The following CEP290 variants were observed in gnomAD, a reference collection of about 807,000 sequenced individuals.
CEP290 encodes centrosomal protein 290, also known as centrosomal protein of 290 kDa.
A neutral mutation model predicts 344.9 loss-of-function variants in CEP290; 317 were observed. That is an observed-to-expected ratio of 0.92 (90% CI 0.84 to 1.01). The LOEUF is 1.01. Ranked by LOEUF, CEP290 falls within the 50% of genes least tolerant of loss-of-function variation. CEP290 has a pLI of 0.00. For missense variants in CEP290, 2,754 were observed against 2,761.4 expected, an observed-to-expected ratio of 1.00 and a Z score of 0.06; for synonymous variants, 932 against 895.8, an observed-to-expected ratio of 1.04 and a Z score of -0.72.
At chr12:88,112,009 T>C (rs902762001) in intron 20 of CEP290, among the ~76,000 whole-genome samples, 151 bp from the exon 21 acceptor site, 2 of 152,196 alleles carry the variant, frequency 1.3e-5, no homozygotes, top group African/African-American at 4.8e-5. Context: ...CAAATTCTTA[T>C]TTATGAATCT....
intron 53 of CEP290, chr12:88,050,067 TAAAG>T (rs1447295459): frequency 2.2e-5 from 5 of 230,890 alleles, no homozygotes; most frequent in African/African-American, 4.6e-5. Context: ...AAAAAAAAAA[TAAAG>T]ACACTGTTGC....
At chr12:88,063,583 T>C (rs2136803459) in intron 45 of CEP290, among the ~76,000 whole-genome samples, 1 of 152,188 alleles carries the variant, frequency 6.6e-6, no homozygotes, top group South Asian at 2.1e-4. Context: ...TATATCATCT[T>C]ATTAAGGAAG....
intron 41 of CEP290, among the ~76,000 whole-genome samples, chr12:88,072,485 G>A (rs1397785854): frequency 6.6e-6 from 1 of 152,114 alleles, no homozygotes; most frequent in Non-Finnish European, 1.5e-5. Context: ...GGCTAACTAT[G>A]CTTTATTCTA....
intron 22 of CEP290, among the ~76,000 whole-genome samples, chr12:88,110,494 T>C (rs1206457889): frequency 6.6e-6 from 1 of 152,006 alleles, no homozygotes; most frequent in Non-Finnish European, 1.5e-5. Flanking sequence ...GCGAATCACT[T>C]GAGACCAGGA....
Position 88,089,480 on chromosome 12 carries a change from G to C in CEP290, c.3581C>G (p.Ser1194Cys), listed in dbSNP as rs2036852568. ...RMQLLDYQAQ[S>C]DEKSLIAKLH... ...CTTGGCAATGAGCGACTTTTCATCA[G>C]ACTGTGCCTGATATTAAAAAAAATA... Residue 1194 changes from serine (S) to cysteine (C), a missense_variant, in exon 31 of 54, where the codon TCT (serine) becomes TGT (cysteine). Ser to Cys is a moderately radical substitution (Grantham distance 112). Coordinates refer to ENST00000552810, the MANE Select transcript of CEP290 (RefSeq NM_025114.4). 6 of 1,468,318 alleles carry C rather than the reference G, an allele frequency of 4.1e-6. No homozygotes were observed. The highest frequency in any genetic ancestry group is 5.4e-6 in the Non-Finnish European group (6 of 1,111,528). The allele number at this position is 1,468,318 out of a possible 1,614,324, so 91.0% of individuals were successfully genotyped here. A position where few individuals can be genotyped will look rare whatever the true frequency, so the allele number is the denominator to read the frequency against.
chr12:88,129,080 C>G (rs2138072599), intron 10 of CEP290, 45 bp from the exon 11 acceptor site: 1 of 1,072,846 alleles, frequency 9.3e-7, no homozygotes, highest in South Asian at 1.8e-5. Context: ...ACTGATGTAA[C>G]ATATATTTAC....
chr12:88,120,212 CTTATT>C lies in CEP290; in HGVS notation c.1419_1423del (p.Ile474ArgfsTer5), dbSNP rs771266705. 1 of 1,513,010 alleles carries C rather than the reference CTTATT, an allele frequency of 6.6e-7. No homozygotes were observed. 93.7% of individuals were successfully genotyped at this position (1,513,010 alleles called of 1,614,324 possible). A position where few individuals can be genotyped will look rare whatever the true frequency, so the allele number is the denominator to read the frequency against. ...TGTTAATATTTCAATCTCTCGATCTCTTATTTTAATTTGGTTTTTACAATTCTTTA... is the reference window on the plus strand; with the variant it reads ...TGTTAATATTTCAATCTCTCGATCTCTTAATTTGGTTTTTACAATTCTTTA... On this transcript the variant is annotated frameshift_variant, in exon 15 of 54. Transcript: ENST00000552810. LOFTEE classifies it high-confidence loss of function.
In CEP290 at chr12:88,083,219, T is replaced by C. The variant is rs1273344761; in HGVS notation, c.4824A>G (p.Lys1608=). ...TGGTAGGAACTGGAGTGGGAGACTG[T>C]TTCATTAAATCCTATAAAATATGAA... ...KFKQTAWDLM[K]QSPTPVPTNK... Residue 1608 remains lysine (K), a synonymous_variant, in exon 37 of 54, where the codon AAA becomes AAG. Transcript: ENST00000552810. 6.8e-7 allele frequency: 1 copy of C among 1,476,186 alleles called. No individual in the cohort carries two copies. Among genetic ancestry groups the C allele is most frequent in the Non-Finnish European group, 9.0e-7 (1 of 1,115,746 alleles). 91.4% of individuals were successfully genotyped at this position (1,476,186 alleles called of 1,614,324 possible).
intron 31 of CEP290, among the ~76,000 whole-genome samples, chr12:88,088,827 T>A (rs1279123807): frequency 6.6e-6 from 1 of 152,068 alleles, no homozygotes; most frequent in African/African-American, 2.4e-5. Flanking sequence ...AGACCTTGTC[T>A]CTACAAAAAA....
rs1305710036 is a variant in CEP290 at position 88,089,230 on chromosome 12, AG to A, written c.3830del (p.Ala1277ValfsTer14). 6.2e-7 allele frequency: 1 copy of A among 1,613,796 alleles called. No homozygotes were observed. The highest frequency in any genetic ancestry group is 1.1e-5 in the South Asian group (1 of 91,064). ...ACTTTTCCTGTTGTGCCAAGGGTAA[AG>A]CTCCACTAAACTGTCGTCGTAGAGA... The part of the protein sequence containing the change: ...IQSLRRQFSG[A>X]LPLAQQEKFS... On this transcript the variant is annotated frameshift_variant, in exon 31 of 54. Transcript: ENST00000552810. LOFTEE classifies it high-confidence loss of function.
intron 3 of CEP290, among the ~76,000 whole-genome samples, chr12:88,140,325 T>C (rs2040574350): frequency 6.6e-6 from 1 of 152,218 alleles, no homozygotes; most frequent in South Asian, 2.1e-4. Context: ...TTAAGGTGTA[T>C]TTTTGTACCT....
At chr12:88,054,513 T>A in intron 50 of CEP290, 100 bp from the exon 51 acceptor site, 1 of 965,986 alleles carries the variant, frequency 1.0e-6, no homozygotes, top group Non-Finnish European at 1.6e-6. Flanking sequence ...TAAAATATGG[T>A]TTTCAAAAGC....
chr12:88,138,009 T>C (rs2040437592), intron 5 of CEP290, among the ~76,000 whole-genome samples: 1 of 152,196 alleles, frequency 6.6e-6, no homozygotes, highest in Admixed American at 6.5e-5. Context: ...AAATGCCCAC[T>C]AAGCAATCTC....
intron 28 of CEP290, chr12:88,093,543 T>C: frequency 4.6e-6 from 2 of 437,668 alleles, no homozygotes; most frequent in Non-Finnish European, 8.1e-6. Flanking sequence ...TAACATTTCA[T>C]AAATTAAATC....
At chr12:88,128,919 G>A in intron 11 of CEP290, 27 bp downstream of exon 11, 1 of 1,364,068 alleles carries the variant, frequency 7.3e-7, no homozygotes, top group Non-Finnish European at 9.8e-7. Context: ...AAAAGAAAAA[G>A]TTATTATGTC....
intron 18 of CEP290, chr12:88,115,424 GT>G: frequency 8.6e-7 from 1 of 1,165,796 alleles, no homozygotes. Context: ...AGATATAACG[GT>G]TTTTGTCTTT....
rs1361449401 is a variant in CEP290 at position 88,089,113 on chromosome 12, G to A, written c.3948C>T (p.Asn1316=). 5 of 1,573,204 alleles carry A rather than the reference G, an allele frequency of 3.2e-6. No individual in the cohort carries two copies. The African/African-American group carries it at 6.9e-5, about 22-fold the overall frequency. The part of the protein sequence containing the change: ...NSQQEHRNME[N]KTLEMELKLK... ...ATTTTAATTCCATCTCCAATGTTTT[G>A]TTCTCCATATTTCTATGTTCTTGTT... Residue 1316 remains asparagine, a synonymous_variant, in exon 31 of 54, where the codon AAC becomes AAT. Coordinates refer to ENST00000552810, the MANE Select transcript of CEP290 (RefSeq NM_025114.4).
At chr12:88,052,392 T>A (rs144550535) in intron 52 of CEP290, among the ~76,000 whole-genome samples, 1 of 152,292 alleles carries the variant, frequency 6.6e-6, no homozygotes, top group East Asian at 1.9e-4. Context: ...TATGGAATTA[T>A]TAAATGGATG....
At chr12:88,099,879 T>C (rs2037738055) in intron 26 of CEP290, among the ~76,000 whole-genome samples, 1 of 152,020 alleles carries the variant, frequency 6.6e-6, no homozygotes, top group African/African-American at 2.4e-5. Context: ...CCCTGATATT[T>C]TGCTATTTCC....
Sources: allele counts gnomAD v4.1 joint callset (sites outside exome capture counted in the v4.1 genomes callset), GRCh38; gene constraint gnomAD v4.1.1; transcripts MANE v1.5; gene names NCBI Gene and HGNC (gene_info 2026-07-23, HGNC 2026-07-21).